ZNF19: variants seen among roughly 807,000 people sequenced by gnomAD.
The protein encoded by ZNF19 is zinc finger protein 19.
A neutral mutation model predicts 13.1 loss-of-function variants in ZNF19; 11 were observed. The observed-to-expected ratio is 0.84, with a 90% CI of 0.53 to 1.39. The LOEUF is 1.39. Ranked by LOEUF, ZNF19 falls within the 40% of genes most tolerant of loss-of-function variation. ZNF19 has a pLI of 0.00. For synonymous variants in ZNF19, 186 were observed against 187.0 expected (o/e 0.99, Z 0.04); for missense variants, 560 against 547.0 (o/e 1.02, Z -0.24).
At chr16:71,487,610 C>G (rs1057238548) in intron 1 of ZNF19, among the ~76,000 whole-genome samples, 24 of 152,218 alleles carry the variant, frequency 1.6e-4, no homozygotes, top group African/African-American at 5.1e-4. Context: ...CTGGTCACCT[C>G]ACAGCCTAAC....
intron 4 of ZNF19, chr16:71,478,674 T>C (rs1278788625): frequency 1.4e-6 from 1 of 696,038 alleles, no homozygotes; most frequent in East Asian, 2.5e-5. Flanking sequence ...GTAATTCCCT[T>C]CATTGGGAGA....
At chr16:71,478,681 G>A (rs749648644) in intron 4 of ZNF19, 198 bp downstream of exon 4, 1 of 723,594 alleles carries the variant, frequency 1.4e-6, no homozygotes, top group Non-Finnish European at 2.3e-6. Context: ...CCTTCATTGG[G>A]AGACCAAAGT....
chr16:71,485,628 T>C (rs146493835), intron 1 of ZNF19, among the ~76,000 whole-genome samples: 5 of 151,824 alleles, frequency 3.3e-5, no homozygotes, highest in South Asian at 2.1e-4. Context: ...GATGACCTGA[T>C]AGATGAAGGT....
rs1322922657 is a variant in ZNF19 at position 71,482,398 on chromosome 16, C to A, written c.-29-255G>T. ...CACCAACACCAAGCTAAATGAAGAGCAAAACAAGCAAAAGACACCAATAAA... is the reference window on the plus strand; with the variant it reads ...CACCAACACCAAGCTAAATGAAGAGAAAAACAAGCAAAAGACACCAATAAA... On this transcript the variant is annotated intron_variant, in intron 2 of 5. Transcript: ENST00000288177. The A allele has an allele frequency of 4.9e-5, 18 of 366,860 alleles. 1 individual carries two copies. In the East Asian group the frequency reaches 7.0e-4, roughly 14 times the overall value. The allele number at this position is 366,860 out of a possible 1,614,324, so 22.7% of individuals were successfully genotyped here.
In ZNF19 at chr16:71,484,602, G is replaced by C; in HGVS notation, c.-43C>G. 1.0e-6 allele frequency: 1 copy of C among 985,454 alleles called. No homozygotes were observed. The highest frequency in any genetic ancestry group is 1.2e-6 in the Non-Finnish European group (1 of 829,956). The allele number at this position is 985,454 out of a possible 1,614,324, so 61.0% of individuals were successfully genotyped here. A position where few individuals can be genotyped will look rare whatever the true frequency, so the allele number is the denominator to read the frequency against. On this transcript the variant is annotated 5_prime_UTR_variant, in exon 2 of 6. Coordinates refer to ENST00000288177, the MANE Select transcript of ZNF19 (RefSeq NM_006961.4). ...CCCAACACTCACCTCAGGAAAAACA[G>C]AAAGCGGTGCGTGAACGGAAGTGCG...
chr16:71,475,426 C>A lies in ZNF19; in HGVS notation c.1121G>T (p.Arg374Met). The change falls in exon 6 of 6, where the codon AGG becomes ATG. Residue 374 changes from arginine (R) to methionine (M), a missense_variant. Arg to Met is a moderately conservative substitution (Grantham distance 91). Transcript: ENST00000288177. ...KAFSAQEQLK[R>M]HLRIHTQESS... ...CTCCTGAGTATGAATTCTCAGATGC[C>A]TTTTTAATTGTTCCTGAGCACTGAA... The A allele has an allele frequency of 6.2e-7, 1 of 1,614,118 alleles. No individual in the cohort carries two copies. The highest frequency in any genetic ancestry group is 8.5e-7 in the Non-Finnish European group (1 of 1,180,024).
rs2043586383 is a variant in ZNF19, at chr16:71,474,517, G to A, written c.*653C>T. The stretch of plus-strand genomic sequence containing the variant: ...GTTGTTAGAACTTCTATCTACTAGT[G>A]GTGTCTGATATAACCTGGGCTCTCC... On this transcript the variant is annotated 3_prime_UTR_variant, in exon 6 of 6. Coordinates refer to ENST00000288177, the MANE Select transcript of ZNF19 (RefSeq NM_006961.4). 2 of 152,174 alleles carry A rather than the reference G, an allele frequency of 1.3e-5. No homozygotes were observed. The highest frequency in any genetic ancestry group is 4.8e-5 in the African/African-American group (2 of 41,416). 9.4% of individuals were successfully genotyped at this position (152,174 alleles called of 1,614,324 possible).
rs145725096 is a variant in ZNF19 at position 71,475,939 on chromosome 16, G to A, written c.608C>T (p.Ser203Leu). The A allele has an allele frequency of 1.3e-5, 21 of 1,613,432 alleles. 1 individual carries two copies. In the Middle Eastern group the frequency reaches 6.6e-4, roughly 51 times the overall value. ...ECGKAFNGNSSLIRHQRIHTG... is the reference protein window; with the variant it reads ...ECGKAFNGNSLLIRHQRIHTG... ...GTGAATCCTCTGGTGCCGAATTAACGAAGAATTACCATTAAAGGCTTTTCC... is the reference window on the plus strand; with the variant it reads ...GTGAATCCTCTGGTGCCGAATTAACAAAGAATTACCATTAAAGGCTTTTCC... The change falls in exon 6 of 6, where the codon TCG (serine) becomes TTG (leucine). Residue 203 changes from serine (S) to leucine (L), a missense_variant. Ser to Leu is a moderately radical substitution (Grantham distance 145). Coordinates refer to ENST00000288177, the MANE Select transcript of ZNF19 (RefSeq NM_006961.4).
In ZNF19 at chr16:71,475,625, T is replaced by C. The variant is rs1490803224; in HGVS notation, c.922A>G (p.Lys308Glu). The change falls in exon 6 of 6, where the codon AAA becomes GAA. Residue 308 changes from lysine (K) to glutamate (E), a missense_variant. Transcript: ENST00000288177. The part of the protein sequence containing the change: ...EKPYECNECG[K>E]SFGRTSHLSQ... ...AGATGGGAAGTCCTTCCAAAGCTTT[T>C]GCCACACTCATTACACTCATAGGGT... 1 of 1,614,200 alleles carries C rather than the reference T, an allele frequency of 6.2e-7. No homozygotes were observed.
At chr16:71,478,660 G>A (rs1007302539) in intron 4 of ZNF19, 1 of 659,990 alleles carries the variant, frequency 1.5e-6, no homozygotes. Context: ...CTTACCAGGG[G>A]ACAGTAATTC....
Position 71,484,712 on chromosome 16 carries a change from T to G in ZNF19, c.-153A>C, listed in dbSNP as rs773230188. The G allele has an allele frequency of 1.2e-4, 119 of 985,254 alleles. No individual in the cohort carries two copies. The highest frequency in any genetic ancestry group is 1.4e-4 in the Non-Finnish European group (116 of 829,922). The allele number at this position is 985,254 out of a possible 1,614,324, so 61.0% of individuals were successfully genotyped here. Reference sequence around the variant, plus strand: ...CTTCTCAGTGGTTGTGTGGTTTTACTCCCGGGAGGAGTTTCCACCCGGGGA... The same window carrying G: ...CTTCTCAGTGGTTGTGTGGTTTTACGCCCGGGAGGAGTTTCCACCCGGGGA... On this transcript the variant is annotated 5_prime_UTR_variant, in exon 2 of 6. Coordinates refer to ENST00000288177, the MANE Select transcript of ZNF19 (RefSeq NM_006961.4).
chr16:71,488,135 G>A (rs2043692405), intron 1 of ZNF19, among the ~76,000 whole-genome samples: 1 of 151,978 alleles, frequency 6.6e-6, no homozygotes, highest in South Asian at 2.1e-4. Flanking sequence ...CAAGGTGGAT[G>A]GATTGCTTGA....
chr16:71,476,048 C>T lies in ZNF19; in HGVS notation c.499G>A (p.Gly167Arg), dbSNP rs1456990275. Residue 167 changes from glycine (G) to arginine (R), a missense_variant, in exon 6 of 6, where the codon GGG (glycine) becomes AGG (arginine). By Grantham distance (125) the Gly-to-Arg change is moderately radical. Coordinates refer to ENST00000288177, the MANE Select transcript of ZNF19 (RefSeq NM_006961.4). ...TAAGAAAAGTAGCTGAAGGATTTCC[C>T]ACACTCCTCACATATGAAAGGTTTC... Reference protein sequence around the residue: ...ARKPFICEECGKSFSYFSYYA... With the variant: ...ARKPFICEECRKSFSYFSYYA... 1.2e-6 allele frequency: 2 copies of T among 1,614,160 alleles called. No homozygotes were observed. The highest frequency in any genetic ancestry group is 1.7e-5 in the Admixed American group (1 of 60,026).
chr16:71,485,217 A>G (rs867965190), intron 1 of ZNF19, among the ~76,000 whole-genome samples: 1 of 152,126 alleles, frequency 6.6e-6, no homozygotes, highest in East Asian at 1.9e-4. Context: ...TCGGAGGCCA[A>G]GGCGGGCAGA....
chr16:71,480,724 C>T (rs2043631850), intron 3 of ZNF19, among the ~76,000 whole-genome samples: 1 of 152,178 alleles, frequency 6.6e-6, no homozygotes, highest in African/African-American at 2.4e-5. Context: ...AATGAATCAC[C>T]ACTAACTAGA....
chr16:71,478,628 C>G (rs2043617268), intron 4 of ZNF19: 3 of 639,116 alleles, frequency 4.7e-6, no homozygotes, highest in Non-Finnish European at 8.3e-6. Context: ...TGTGCAGAGC[C>G]TCTTGGAAGA....
intron 1 of ZNF19, chr16:71,487,148 AG>A (rs2043684388): frequency 2.0e-5 from 3 of 152,186 alleles, no homozygotes; most frequent in Admixed American, 6.5e-5. Flanking sequence ...CTGTGTCCCC[AG>A]GCAAATCTCA....
chr16:71,479,140 A>G, intron 3 of ZNF19, 135 bp from the exon 4 acceptor site: 1 of 1,145,520 alleles, frequency 8.7e-7, no homozygotes, highest in South Asian at 1.3e-5. Flanking sequence ...ACAGAACTGG[A>G]TATTAGACCA....
rs975082864 is a variant in ZNF19 at position 71,484,732 on chromosome 16, C to T, written c.-173G>A. 2 of 985,210 alleles carry T rather than the reference C, an allele frequency of 2.0e-6. No individual in the cohort carries two copies. Among genetic ancestry groups the T allele is most frequent in the South Asian group, 4.7e-5 (1 of 21,278 alleles). 61.0% of individuals were successfully genotyped at this position (985,210 alleles called of 1,614,324 possible). On this transcript the variant is annotated 5_prime_UTR_variant, in exon 2 of 6. Transcript: ENST00000288177. ...TTTACTCCCGGGAGGAGTTTCCACC[C>T]GGGGATCCTCAGAGACCTTGAATAG...
Sources: gnomAD v4.1 joint callset for allele counts (sites outside exome capture counted in the v4.1 genomes callset) on GRCh38, gnomAD v4.1.1 for gene constraint, MANE v1.5 for transcripts, NCBI Gene and HGNC (gene_info 2026-07-23, HGNC 2026-07-21) for gene names.